CNTN3: variants seen among roughly 807,000 people sequenced by gnomAD.
The protein encoded by CNTN3 is contactin 3.
CNTN3 carries 60 observed loss-of-function variants against 119.1 expected under a neutral mutation model. The ratio of observed to expected loss-of-function variants is 0.50; its 90% CI spans 0.41 to 0.62. The LOEUF is 0.62. CNTN3 is among the 20% of genes least tolerant of loss of function. The pLI is 0.00. For synonymous variants in CNTN3, 450 were observed against 438.7 expected, an observed-to-expected ratio of 1.03 and a Z score of -0.32; for missense variants, 1,101 against 1,242.4, an observed-to-expected ratio of 0.89 and a Z score of 1.71.
intron 4 of CNTN3, among the ~76,000 whole-genome samples, chr3:74,459,022 G>T (rs377732377): frequency 2.0e-4 from 30 of 152,050 alleles, no homozygotes; most frequent in African/African-American, 6.7e-4. Flanking sequence ...ATGAAAGACT[G>T]CTAGAATTAC....
intron 3 of CNTN3, among the ~76,000 whole-genome samples, chr3:74,490,334 C>A (rs1223470823): frequency 6.6e-6 from 1 of 152,146 alleles, no homozygotes; most frequent in African/African-American, 2.4e-5. Flanking sequence ...TGACAAAGGG[C>A]ACTTGAGTTT....
At chr3:74,434,365 C>T (rs570745889) in intron 4 of CNTN3, among the ~76,000 whole-genome samples, 10 of 152,334 alleles carry the variant, frequency 6.6e-5, no homozygotes, top group Non-Finnish European at 5.9e-5. Flanking sequence ...GGTTTCATAA[C>T]GATTCCTGTT....
At chr3:74,347,189 G>T (rs1197431853) in intron 11 of CNTN3, among the ~76,000 whole-genome samples, 1 of 152,180 alleles carries the variant, frequency 6.6e-6, no homozygotes, top group Non-Finnish European at 1.5e-5. Context: ...TCATAAGCAT[G>T]AATTCAGCCA....
intron 1 of CNTN3, among the ~76,000 whole-genome samples, chr3:74,580,595 A>G (rs1704488465): frequency 3.3e-5 from 5 of 152,350 alleles, no homozygotes; most frequent in East Asian, 1.9e-4. Context: ...CAAAATACCA[A>G]TCAGTGTAAA....
chr3:74,418,984 G>A (rs550970727), intron 5 of CNTN3, among the ~76,000 whole-genome samples: 10 of 150,572 alleles, frequency 6.6e-5, no homozygotes, highest in Admixed American at 4.0e-4. Flanking sequence ...TTTAGTAGCG[G>A]GGCAGTTTCG....
In CNTN3 at chr3:74,589,082, C is replaced by T. The variant is rs539826080; in HGVS notation, c.-81+25309G>A. 6.6e-4 allele frequency among the ~76,000 whole-genome samples: 99 copies of T among 150,686 alleles called. No homozygotes were observed. The East Asian group carries it at 0.016, about 25-fold the overall frequency. ...ATGTCTAAAACACCAAAAGCAATGG[C>T]AACAAAAGCCAAAATTGACAAATGG... is the stretch of plus-strand genomic sequence containing the variant. On this transcript the variant is annotated intron_variant, in intron 1 of 22. Coordinates refer to ENST00000263665, the MANE Select transcript of CNTN3 (RefSeq NM_020872.3).
intron 1 of CNTN3, among the ~76,000 whole-genome samples, chr3:74,614,153 A>G (rs1705129533): frequency 6.6e-6 from 1 of 152,210 alleles, no homozygotes; most frequent in African/African-American, 2.4e-5. Context: ...TCAGCGCTCC[A>G]GCTGGGGATG....
rs1702378681 is a variant in CNTN3, at chr3:74,298,090, A to G, written c.2268T>C (p.Pro756=). 3 of 1,614,062 alleles carry G rather than the reference A, an allele frequency of 1.9e-6. No homozygotes were observed. Among genetic ancestry groups the G allele is most frequent in the Non-Finnish European group, 1.7e-6 (2 of 1,179,944 alleles). Residue 756 remains proline, a synonymous_variant, in exon 18 of 23, where the codon CCT becomes CCC. Coordinates refer to ENST00000263665, the MANE Select transcript of CNTN3 (RefSeq NM_020872.3). The part of the protein sequence containing the change: ...TTWIQTVVTS[P]DTPRYVFRNE... ...TCCTAAAGACATATCTTGGGGTGTC[A>G]GGGGATGTCACCACTGTCTGGATCC...
chr3:74,518,899 T>G (rs1262262155), intron 2 of CNTN3, among the ~76,000 whole-genome samples: 1 of 151,910 alleles, frequency 6.6e-6, no homozygotes, highest in African/African-American at 2.4e-5. Flanking sequence ...TGGGCATATG[T>G]TGTCCATGAC....
intron 1 of CNTN3, among the ~76,000 whole-genome samples, chr3:74,573,261 C>T (rs1001881651): frequency 8.6e-5 from 13 of 151,360 alleles, no homozygotes; most frequent in Admixed American, 4.6e-4. Context: ...AGACAGTGTC[C>T]GAGGGTGCAC....
intron 1 of CNTN3, among the ~76,000 whole-genome samples, chr3:74,606,111 G>A (rs1171448256): frequency 6.6e-6 from 1 of 151,868 alleles, no homozygotes; most frequent in Non-Finnish European, 1.5e-5. Context: ...AGCCACTATG[G>A]GTCAATACAG....
intron 1 of CNTN3, among the ~76,000 whole-genome samples, chr3:74,521,416 T>G (rs1024059984): frequency 6.6e-5 from 10 of 151,070 alleles, no homozygotes; most frequent in African/African-American, 2.4e-4. Context: ...GAATTTGAAA[T>G]GTTTACCAAT....
intron 11 of CNTN3, among the ~76,000 whole-genome samples, chr3:74,361,654 T>A (rs28759177): frequency 0.032 from 4,870 of 152,260 alleles, 249 homozygotes; most frequent in African/African-American, 0.11. Context: ...AAATCCTTGT[T>A]AAGAGAAAGT....
intron 11 of CNTN3, among the ~76,000 whole-genome samples, chr3:74,353,583 C>T (rs928318864): frequency 6.6e-6 from 1 of 151,996 alleles, no homozygotes; most frequent in Admixed American, 6.6e-5. Flanking sequence ...GGTGAAACCC[C>T]GTCTCTACTA....
At chr3:74,405,333 G>A (rs1344994864) in intron 5 of CNTN3, among the ~76,000 whole-genome samples, 4 of 151,776 alleles carry the variant, frequency 2.6e-5, no homozygotes, top group Non-Finnish European at 2.9e-5. Flanking sequence ...TTGCAGATAC[G>A]TATATACATA....
At chr3:74,316,063 G>C (rs927023047) in intron 13 of CNTN3, among the ~76,000 whole-genome samples, 1 of 152,160 alleles carries the variant, frequency 6.6e-6, no homozygotes, top group African/African-American at 2.4e-5. Context: ...TAAACTTACA[G>C]AATGGGAGAA....
chr3:74,577,782 G>A (rs575763892), intron 1 of CNTN3, among the ~76,000 whole-genome samples: 1 of 152,042 alleles, frequency 6.6e-6, no homozygotes, highest in East Asian at 1.9e-4. Context: ...TTGAACTAAT[G>A]ATAGATGTTA....
At chr3:74,588,774 C>T (rs866601926) in intron 1 of CNTN3, among the ~76,000 whole-genome samples, 3,866 of 152,196 alleles carry the variant, frequency 0.025, 76 homozygotes, top group South Asian at 0.041. Context: ...ATCAATGGAA[C>T]AGAACAGAGC....
intron 2 of CNTN3, among the ~76,000 whole-genome samples, chr3:74,516,469 CT>C (rs770208016): frequency 6.6e-6 from 1 of 150,676 alleles, no homozygotes; most frequent in African/African-American, 2.5e-5. Context: ...ATAACATTGT[CT>C]TTTTTCTAGC....
Sources: gnomAD v4.1 joint callset for allele counts (sites outside exome capture counted in the v4.1 genomes callset) on GRCh38, gnomAD v4.1.1 for gene constraint, MANE v1.5 for transcripts, NCBI Gene and HGNC (gene_info 2026-07-23, HGNC 2026-07-21) for gene names.